SEMA3E: variants seen among roughly 807,000 people sequenced by gnomAD.
The protein encoded by SEMA3E is semaphorin 3E.
Under a neutral mutation model 93.6 loss-of-function variants are expected in SEMA3E, and 49 were observed. That is an observed-to-expected ratio of 0.52 (90% CI 0.42 to 0.66). SEMA3E has a LOEUF of 0.66. SEMA3E is among the 30% of genes least tolerant of loss of function. SEMA3E has a pLI of 0.00. For synonymous variants in SEMA3E, 363 were observed against 330.7 expected, an observed-to-expected ratio of 1.10 and a Z score of -1.06; for missense variants, 906 against 964.8, an observed-to-expected ratio of 0.94 and a Z score of 0.81.
chr7:83,462,761 G>C (rs1338372109), intron 4 of SEMA3E, among the ~76,000 whole-genome samples: 12 of 142,998 alleles, frequency 8.4e-5, no homozygotes, highest in Non-Finnish European at 1.7e-4. Flanking sequence ...CATTTTACCT[G>C]TCCTAAAACC....
rs1424577733 is a variant in SEMA3E, at chr7:83,466,486, A to G, written c.452T>C (p.Leu151Ser). The stretch of plus-strand genomic sequence containing the variant: ...GCAATGAATGAAACATCTTACCTCC[A>G]AATGATATCCAACTCTGATGAAGGC... ...VCAFIRVGYH[L>S]EDPLFHLESP... The change falls in exon 4 of 17, where the codon TTG becomes TCG. Residue 151 changes from leucine to serine, a missense_variant. Leu to Ser is a moderately radical substitution (Grantham distance 145, BLOSUM62 -2). Transcript: ENST00000643230. The G allele has an allele frequency of 6.2e-7, 1 of 1,614,032 alleles. No homozygotes were observed. Among genetic ancestry groups the G allele is most frequent in the Admixed American group, 1.7e-5 (1 of 60,014 alleles).
chr7:83,571,291 A>G (rs215281), intron 1 of SEMA3E, among the ~76,000 whole-genome samples: 3,757 of 152,272 alleles, frequency 0.025, 151 homozygotes, highest in African/African-American at 0.086. Context: ...TCAGGCCCAT[A>G]TCCCTGATGA....
Position 83,378,500 on chromosome 7 carries a change from C to T in SEMA3E, c.1875+6794G>A, listed in dbSNP as rs137931149. Among the ~76,000 whole-genome samples, 13 of 151,962 alleles carry T rather than the reference C, an allele frequency of 8.6e-5. No individual in the cohort carries two copies. In the East Asian group the frequency reaches 2.3e-3, roughly 27 times the overall value. ...TACCTTTGTGGATCTCTCTCTTTGTCATTCGAATATTTTGGTAGAGTACAC... is the reference window on the plus strand; with the variant it reads ...TACCTTTGTGGATCTCTCTCTTTGTTATTCGAATATTTTGGTAGAGTACAC... On this transcript the variant is annotated intron_variant, in intron 16 of 16. Coordinates refer to ENST00000643230, the MANE Select transcript of SEMA3E (RefSeq NM_012431.3).
intron 7 of SEMA3E, among the ~76,000 whole-genome samples, 179 bp downstream of exon 7, chr7:83,406,918 T>G (rs1168760026): frequency 1.3e-5 from 2 of 152,130 alleles, no homozygotes; most frequent in South Asian, 4.1e-4. Context: ...AAATACAAGG[T>G]CCTTTTAAGA....
chr7:83,393,618 G>C (rs1279778771), intron 13 of SEMA3E, among the ~76,000 whole-genome samples: 1 of 152,184 alleles, frequency 6.6e-6, no homozygotes, highest in Non-Finnish European at 1.5e-5. Context: ...ATTTAGAAGA[G>C]TGATGTGTAT....
intron 1 of SEMA3E, among the ~76,000 whole-genome samples, chr7:83,637,060 G>A (rs1039563779): frequency 6.6e-6 from 1 of 151,904 alleles, no homozygotes; most frequent in African/African-American, 2.4e-5. Context: ...GTGTGTGTGT[G>A]TGAAACTTCT....
rs146324380 is a variant in SEMA3E at position 83,626,563 on chromosome 7, C to T, written c.115+21865G>A. 8.7e-4 allele frequency among the ~76,000 whole-genome samples: 133 copies of T among 152,170 alleles called. 3 individuals are homozygous for T. The East Asian group carries it at 0.026, about 29-fold the overall frequency. On this transcript the variant is annotated intron_variant, in intron 1 of 16. Coordinates refer to ENST00000643230, the MANE Select transcript of SEMA3E (RefSeq NM_012431.3). ...AGATCAGCAGTGATATCCCCTTTATCGTTTTTTATCGTGTCAATTTGATTC... is the reference window on the plus strand; with the variant it reads ...AGATCAGCAGTGATATCCCCTTTATTGTTTTTTATCGTGTCAATTTGATTC...
chr7:83,409,709 T>C (rs923369143), intron 5 of SEMA3E, among the ~76,000 whole-genome samples: 1 of 151,762 alleles, frequency 6.6e-6, no homozygotes, highest in African/African-American at 2.4e-5. Context: ...GTATAAGAAT[T>C]TGACCAAATA....
At chr7:83,485,603 A>G (rs1387110562) in intron 2 of SEMA3E, among the ~76,000 whole-genome samples, 2 of 152,196 alleles carry the variant, frequency 1.3e-5, no homozygotes, top group Admixed American at 6.5e-5. Context: ...TATGATTTTT[A>G]CATAGCCCAA....
chr7:83,516,292 A>G (rs1790927340), intron 1 of SEMA3E, among the ~76,000 whole-genome samples: 2 of 152,170 alleles, frequency 1.3e-5, no homozygotes, highest in Non-Finnish European at 2.9e-5. Context: ...TGAAACATAT[A>G]TTTCTTTCTA....
At chr7:83,462,481 C>T (rs184023424) in intron 4 of SEMA3E, among the ~76,000 whole-genome samples, 2,613 of 152,174 alleles carry the variant, frequency 0.017, 78 homozygotes, top group African/African-American at 0.059. Context: ...TACAGCCACA[C>T]CTCATTGCTG....
chr7:83,493,479 G>T (rs367688408), intron 1 of SEMA3E, among the ~76,000 whole-genome samples: 94 of 151,756 alleles, frequency 6.2e-4, no homozygotes, highest in African/African-American at 2.2e-3. Context: ...CATACCATAG[G>T]TAATAAATTG....
chr7:83,450,926 T>C (rs913802248), intron 4 of SEMA3E, among the ~76,000 whole-genome samples: 6 of 152,120 alleles, frequency 3.9e-5, no homozygotes, highest in African/African-American at 1.4e-4. Flanking sequence ...GGCAATAAGC[T>C]TTGGTTGTGT....
intron 1 of SEMA3E, among the ~76,000 whole-genome samples, chr7:83,607,367 T>C (rs562410410): frequency 1.3e-5 from 2 of 152,358 alleles, no homozygotes; most frequent in Admixed American, 6.5e-5. Flanking sequence ...ACTGAGCATG[T>C]TCTTTACTCT....
At chr7:83,554,845 C>T (rs202044550) in intron 1 of SEMA3E, among the ~76,000 whole-genome samples, 4 of 151,948 alleles carry the variant, frequency 2.6e-5, no homozygotes, top group African/African-American at 7.3e-5. Context: ...GGCGTGGTGG[C>T]GGGCGCCTGT....
At chr7:83,445,545 C>T (rs1247858065) in intron 4 of SEMA3E, among the ~76,000 whole-genome samples, 1 of 151,928 alleles carries the variant, frequency 6.6e-6, no homozygotes, top group Non-Finnish European at 1.5e-5. Context: ...TGGTGAAACC[C>T]CGTCCCTACT....
chr7:83,584,295 C>T (rs976505104), intron 1 of SEMA3E, among the ~76,000 whole-genome samples: 1 of 151,974 alleles, frequency 6.6e-6, no homozygotes, highest in Non-Finnish European at 1.5e-5. Context: ...AGTTACGCAG[C>T]TAATGAATGC....
At position 83,368,747 on chromosome 7, in the gene SEMA3E, TACTC is replaced by T. The variant is rs538888898; in HGVS notation, c.1876-713_1876-710del. On this transcript the variant is annotated intron_variant, in intron 16 of 16. Coordinates refer to ENST00000643230, the MANE Select transcript of SEMA3E (RefSeq NM_012431.3). Reference sequence around the variant, plus strand: ...ATCTTTTGTCATGTATTTGATATAATACTCACATTATTTCTATAAATAAATAATT... The same window carrying T: ...ATCTTTTGTCATGTATTTGATATAATACATTATTTCTATAAATAAATAATT... Among the ~76,000 whole-genome samples, 25 of 152,314 alleles carry T rather than the reference TACTC, an allele frequency of 1.6e-4. No homozygotes were observed. In the East Asian group the frequency reaches 4.1e-3, roughly 25 times the overall value.
chr7:83,631,056 A>T (rs1337119547), intron 1 of SEMA3E, among the ~76,000 whole-genome samples: 1 of 152,150 alleles, frequency 6.6e-6, no homozygotes, highest in Non-Finnish European at 1.5e-5. Flanking sequence ...TCAAGTTATA[A>T]AATTAAGCAG....
Sources: allele counts gnomAD v4.1 joint callset (sites outside exome capture counted in the v4.1 genomes callset), GRCh38; gene constraint gnomAD v4.1.1; transcripts MANE v1.5; gene names NCBI Gene and HGNC (gene_info 2026-07-23, HGNC 2026-07-21).